Variants in TBCD observed in about 807,000 individuals in gnomAD.
TBCD encodes tubulin folding cofactor D, also known as tubulin-specific chaperone D.
TBCD carries 105 observed loss-of-function variants against 169.3 expected under a neutral mutation model. The observed-to-expected ratio is 0.62, with a 90% CI of 0.53 to 0.73. The LOEUF (loss-of-function observed/expected upper bound fraction) is 0.73, where lower values mean the gene tolerates loss of function less well. TBCD is among the 30% of genes least tolerant of loss of function. The pLI is 0.00. For missense variants in TBCD, 1,444 were observed against 1,600.1 expected, an observed-to-expected ratio of 0.90 and a Z score of 1.66; for synonymous variants, 700 against 643.9, an observed-to-expected ratio of 1.09 and a Z score of -1.32.
chr17:82,790,863 C>G (rs1230993508), intron 7 of TBCD, among the ~76,000 whole-genome samples: 1 of 152,108 alleles, frequency 6.6e-6, no homozygotes, highest in Non-Finnish European at 1.5e-5. Context: ...TGCAGAGAAG[C>G]TCAGACCCCT....
At chr17:82,856,046 C>T (rs1288717817) in intron 13 of TBCD, among the ~76,000 whole-genome samples, 2 of 138,534 alleles carry the variant, frequency 1.4e-5, no homozygotes, top group Non-Finnish European at 3.0e-5. Flanking sequence ...CCATCTAGCC[C>T]AGGTTGGTCT....
chr17:82,769,968 C>T (rs1359910507), intron 5 of TBCD, among the ~76,000 whole-genome samples: 1 of 151,954 alleles, frequency 6.6e-6, no homozygotes, highest in Non-Finnish European at 1.5e-5. Context: ...TTGAATTCTC[C>T]TTCATGAGGC....
chr17:82,754,609 G>A (rs144860968), intron 1 of TBCD, among the ~76,000 whole-genome samples: 109 of 152,340 alleles, frequency 7.2e-4, no homozygotes, highest in African/African-American at 2.5e-3. Flanking sequence ...TTGGGGAAGG[G>A]CTCTTAGCAT....
At chr17:82,891,993 A>T (rs913964548) in intron 16 of TBCD, among the ~76,000 whole-genome samples, 2 of 152,018 alleles carry the variant, frequency 1.3e-5, no homozygotes, top group East Asian at 1.9e-4. Context: ...CGACACCATC[A>T]GGCCCTTGTG....
intron 7 of TBCD, among the ~76,000 whole-genome samples, chr17:82,786,444 A>G (rs1426103267): frequency 6.6e-6 from 1 of 152,008 alleles, no homozygotes; most frequent in Non-Finnish European, 1.5e-5. Context: ...GGGGAGGCAA[A>G]TTTGATCTCT....
chr17:82,815,857 T>C (rs1490893653), intron 13 of TBCD, among the ~76,000 whole-genome samples: 3 of 152,240 alleles, frequency 2.0e-5, no homozygotes, highest in African/African-American at 7.2e-5. Flanking sequence ...TTTTTTTTAA[T>C]GTCTCTGCTT....
intron 6 of TBCD, among the ~76,000 whole-genome samples, chr17:82,776,034 T>G (rs1317646898): frequency 6.6e-6 from 1 of 151,932 alleles, no homozygotes; most frequent in East Asian, 1.9e-4. Context: ...CTGGCCAACA[T>G]GGTGAAACCC....
At position 82,806,903 on chromosome 17, in the gene TBCD, G is replaced by A. The variant is rs915235344; in HGVS notation, c.1088-705G>A. 3.3e-5 allele frequency among the ~76,000 whole-genome samples: 5 copies of A among 152,202 alleles called. No homozygotes were observed. The highest frequency in any genetic ancestry group is 3.3e-4 in the Admixed American group (5 of 15,282). ...TGGGCGGCTCTGAGTCCCGGGCGGG[G>A]CCCTGGGTCTGCCCCTTCCCCGTGT... On this transcript the variant is annotated intron_variant, in intron 10 of 38. Transcript: ENST00000355528. The surrounding 1 kb of genome is among the most constrained non-coding windows in gnomAD (Gnocchi z 5.1).
At chr17:82,852,922 T>C (rs555073714) in intron 13 of TBCD, among the ~76,000 whole-genome samples, 5 of 152,308 alleles carry the variant, frequency 3.3e-5, no homozygotes, top group Middle Eastern at 3.4e-3. Flanking sequence ...ATGAACGTAT[T>C]CAGAGCTCAG....
rs765102087 is a variant in TBCD at position 82,807,511 on chromosome 17, G to A, written c.1088-97G>A. 58 of 730,896 alleles carry A rather than the reference G, an allele frequency of 7.9e-5. No homozygotes were observed. The East Asian group carries it at 1.1e-3, about 14-fold the overall frequency. 45.3% of individuals were successfully genotyped at this position (730,896 alleles called of 1,614,324 possible). A position where few individuals can be genotyped will look rare whatever the true frequency, so the allele number is the denominator to read the frequency against. On this transcript the variant is annotated intron_variant, in intron 10 of 38. Coordinates refer to ENST00000355528, the MANE Select transcript of TBCD (RefSeq NM_005993.5). ...TATTGTTAATGTAATTCCCTTCGGC[G>A]TGTGCACTGAGTAGCGTACAGGATG...
chr17:82,764,189 G>A, intron 3 of TBCD, 127 bp downstream of exon 3: 1 of 748,942 alleles, frequency 1.3e-6, no homozygotes. Flanking sequence ...GTTTAATTCT[G>A]TCCCTTTTTA....
intron 23 of TBCD, among the ~76,000 whole-genome samples, chr17:82,919,737 G>T (rs2061301384): frequency 6.6e-6 from 1 of 152,190 alleles, no homozygotes; most frequent in Non-Finnish European, 1.5e-5. Context: ...CGTGGAACAG[G>T]AGTTGTCTGG....
intron 4 of TBCD, 65 bp downstream of exon 4, chr17:82,766,433 C>G (rs1252577513): frequency 7.7e-6 from 9 of 1,172,004 alleles, no homozygotes; most frequent in African/African-American, 3.0e-5. Flanking sequence ...CCTGCTTGCC[C>G]CACCCTGCTG....
intron 23 of TBCD, among the ~76,000 whole-genome samples, chr17:82,919,000 A>G (rs1488827463): frequency 6.6e-6 from 1 of 152,250 alleles, no homozygotes; most frequent in Admixed American, 6.5e-5. Context: ...TAACTTACGC[A>G]TAAAAACTAC....
At chr17:82,752,857 G>A (rs966482640) in intron 1 of TBCD, among the ~76,000 whole-genome samples, 1 of 152,212 alleles carries the variant, frequency 6.6e-6, no homozygotes, top group African/African-American at 2.4e-5. Context: ...GGGACGCAGG[G>A]AACAAACCTG....
intron 20 of TBCD, among the ~76,000 whole-genome samples, chr17:82,907,088 G>A (rs567912900): frequency 6.6e-6 from 1 of 152,238 alleles, no homozygotes; most frequent in Admixed American, 6.5e-5. Flanking sequence ...GGGCACCTCC[G>A]CCTGGCACGA....
At chr17:82,800,794 G>A (rs1030325737) in intron 8 of TBCD, 70 bp from the exon 9 acceptor site, 44 of 1,534,530 alleles carry the variant, frequency 2.9e-5, no homozygotes, top group Admixed American at 2.2e-4. Context: ...TGTTGGTTTC[G>A]GGGACACAGG....
intron 14 of TBCD, among the ~76,000 whole-genome samples, chr17:82,883,269 G>C (rs1199919474): frequency 2.0e-5 from 3 of 152,258 alleles, no homozygotes. Context: ...GCTTATCTCC[G>C]CGTGTCTGAA....
At position 82,789,959 on chromosome 17, in the gene TBCD, C is replaced by T. The variant is rs895650233; in HGVS notation, c.772-7798C>T. The stretch of plus-strand genomic sequence containing the variant: ...GGAGCCGGGCTCATCCCCGAGACGC[C>T]GTGTTCCCTCCCGCTGTCCGCTCAC... On this transcript the variant is annotated intron_variant, in intron 7 of 38. Coordinates refer to ENST00000355528, the MANE Select transcript of TBCD (RefSeq NM_005993.5). This position sits in a 1 kb window ranked among gnomAD's most constrained non-coding sequence, Gnocchi z 4.8. Among the ~76,000 whole-genome samples, 4 of 152,236 alleles carry T rather than the reference C, an allele frequency of 2.6e-5. No homozygotes were observed. The highest frequency in any genetic ancestry group is 1.9e-4 in the East Asian group (1 of 5,188).
Sources: gnomAD v4.1 joint callset for allele counts (sites outside exome capture counted in the v4.1 genomes callset) on GRCh38, gnomAD v4.1.1 for gene constraint, Gnocchi (gnomAD v3.1) non-coding constraint, MANE v1.5 for transcripts, NCBI Gene and HGNC (gene_info 2026-07-23, HGNC 2026-07-21) for gene names.